The following STAB2 variants were observed in gnomAD, a reference collection of about 807,000 sequenced individuals.
STAB2 encodes stabilin 2.
STAB2 carries 288 observed loss-of-function variants against 338.1 expected under a neutral mutation model. The ratio of observed to expected loss-of-function variants is 0.85; its 90% CI spans 0.77 to 0.94. The LOEUF is 0.94. Ranked by LOEUF, STAB2 falls within the 40% of genes least tolerant of loss-of-function variation. The pLI is 0.00. For missense variants in STAB2, 3,141 were observed against 3,210.1 expected, an observed-to-expected ratio of 0.98 and a Z score of 0.52; for synonymous variants, 1,202 against 1,193.3, an observed-to-expected ratio of 1.01 and a Z score of -0.15.
chr12:103,679,323 G>A (rs970353087), intron 25 of STAB2, among the ~76,000 whole-genome samples: 21 of 152,048 alleles, frequency 1.4e-4, no homozygotes, highest in African/African-American at 4.1e-4. Context: ...AACTGAGATC[G>A]TGCCATTGCA....
intron 58 of STAB2, among the ~76,000 whole-genome samples, chr12:103,748,020 G>C (rs973144921): frequency 2.6e-4 from 38 of 147,638 alleles, no homozygotes; most frequent in African/African-American, 9.0e-4. Context: ...AAAAAGGGAA[G>C]AAGAAGAAGA....
intron 9 of STAB2, among the ~76,000 whole-genome samples, chr12:103,643,518 T>C (rs542447010): frequency 3.9e-5 from 6 of 152,064 alleles, no homozygotes. Context: ...TGCTCTCTGA[T>C]GCCCCTCCCT....
At chr12:103,689,683 G>A (rs1378696941) in intron 28 of STAB2, among the ~76,000 whole-genome samples, 163 bp from the exon 29 acceptor site, 2 of 152,172 alleles carry the variant, frequency 1.3e-5, no homozygotes, top group African/African-American at 4.8e-5. Context: ...AGTCTCACAA[G>A]GGAAAATGAG....
intron 3 of STAB2, among the ~76,000 whole-genome samples, chr12:103,603,424 T>C (rs1199951489): frequency 6.6e-6 from 1 of 152,228 alleles, no homozygotes; most frequent in African/African-American, 2.4e-5. Flanking sequence ...TTCATTTCTT[T>C]GCATATAGAT....
chr12:103,613,488 C>T (rs969999730), intron 3 of STAB2, among the ~76,000 whole-genome samples: 5 of 152,192 alleles, frequency 3.3e-5, no homozygotes, highest in South Asian at 2.1e-4. Context: ...CTCCAAGCCA[C>T]GTGCGGGATA....
At chr12:103,593,455 C>T (rs917559347) in intron 2 of STAB2, among the ~76,000 whole-genome samples, 9 of 152,166 alleles carry the variant, frequency 5.9e-5, no homozygotes, top group African/African-American at 2.2e-4. Context: ...CACCTATTGG[C>T]CACTTGTATT....
rs571283730 is a variant in STAB2 at position 103,594,295 on chromosome 12, A to G, written c.216-100A>G. ...TCCATCTAGATATTTTTAACTGTAG[A>G]TAAATATTAAGACCTAAATTGAAAG... On this transcript the variant is annotated intron_variant, in intron 2 of 68. Transcript: ENST00000388887. 4.2e-5 allele frequency: 35 copies of G among 835,330 alleles called. No individual in the cohort carries two copies. The East Asian group carries it at 8.1e-4, about 19-fold the overall frequency. The allele number at this position is 835,330 out of a possible 1,614,324, so 51.7% of individuals were successfully genotyped here. A position where few individuals can be genotyped will look rare whatever the true frequency, so the allele number is the denominator to read the frequency against.
chr12:103,592,623 C>A (rs755891090), intron 2 of STAB2, among the ~76,000 whole-genome samples: 44 of 152,142 alleles, frequency 2.9e-4, no homozygotes, highest in Non-Finnish European at 5.4e-4. Flanking sequence ...AAGATAAGTA[C>A]AATCCATGAA....
chr12:103,637,310 C>T, intron 7 of STAB2, 74 bp downstream of exon 7: 1 of 1,547,528 alleles, frequency 6.5e-7, no homozygotes, highest in Non-Finnish European at 8.7e-7. Context: ...AAAAATCTCA[C>T]AACCTCCTTA....
At chr12:103,712,256 G>C in intron 40 of STAB2, 111 bp from the exon 41 acceptor site, 1 of 830,044 alleles carries the variant, frequency 1.2e-6, no homozygotes, top group Non-Finnish European at 2.1e-6. Flanking sequence ...GGACTTATGA[G>C]TGTCTCATGG....
At chr12:103,735,724 G>C in intron 52 of STAB2, 144 bp downstream of exon 52, 2 of 680,708 alleles carry the variant, frequency 2.9e-6, no homozygotes, top group South Asian at 4.5e-5. Context: ...ACCTTCAGAG[G>C]TATTTTTCCT....
chr12:103,632,580 C>T (rs1313273653), intron 6 of STAB2, among the ~76,000 whole-genome samples: 2 of 152,048 alleles, frequency 1.3e-5, no homozygotes, highest in Admixed American at 6.5e-5. Flanking sequence ...ATGTCTATGT[C>T]GAGAGGGCTG....
chr12:103,612,340 G>C (rs1416861176), intron 3 of STAB2, among the ~76,000 whole-genome samples: 2 of 152,110 alleles, frequency 1.3e-5, no homozygotes, highest in Non-Finnish European at 2.9e-5. Flanking sequence ...CGTAGATTTG[G>C]TCTTTTCACA....
intron 3 of STAB2, among the ~76,000 whole-genome samples, chr12:103,617,160 T>C (rs1380022966): frequency 1.3e-5 from 2 of 152,208 alleles, no homozygotes; most frequent in Non-Finnish European, 2.9e-5. Flanking sequence ...GCTCTAGATC[T>C]CTTCCCCTGA....
Position 103,733,182 on chromosome 12 carries a change from G to A in STAB2, c.5460G>A (p.Lys1820=). Residue 1820 remains lysine (K), a splice_region_variant and synonymous_variant, in exon 51 of 69, where the codon AAG becomes AAA. Coordinates refer to ENST00000388887, the MANE Select transcript of STAB2 (RefSeq NM_017564.10). ...YLKFHVIRDA[K]VLAVDLPTST... ...AGTTTCATGTGATACGAGATGCCAA[G>A]GTATTTAGTTTACATGCAGACATAA... The A allele has an allele frequency of 5.0e-6, 8 of 1,613,866 alleles. No homozygotes were observed. The highest frequency in any genetic ancestry group is 6.8e-6 in the Non-Finnish European group (8 of 1,179,858).
chr12:103,715,615 C>G (rs1334891963), intron 42 of STAB2, among the ~76,000 whole-genome samples, 200 bp from the exon 43 acceptor site: 1 of 152,136 alleles, frequency 6.6e-6, no homozygotes, highest in Non-Finnish European at 1.5e-5. Context: ...CTGGCCTATC[C>G]CAGAATAGTC....
chr12:103,608,813 G>A (rs1451215135), intron 3 of STAB2, among the ~76,000 whole-genome samples: 1 of 152,120 alleles, frequency 6.6e-6, no homozygotes, highest in Non-Finnish European at 1.5e-5. Context: ...GGTTTTTATG[G>A]TTTTAGGTCT....
rs1243772344 is a variant in STAB2 at position 103,708,420 on chromosome 12, G to T, written c.4193-21G>T. 1.1e-5 allele frequency: 17 copies of T among 1,611,380 alleles called. No individual in the cohort carries two copies. The Admixed American group carries it at 2.8e-4, about 27-fold the overall frequency. On this transcript the variant is annotated intron_variant, in intron 38 of 68. Coordinates refer to ENST00000388887, the MANE Select transcript of STAB2 (RefSeq NM_017564.10). Reference sequence around the variant, plus strand: ...AACATGGGTTAGAATCTGACGATTTGCAGGTGATTTTCCCACTTAGCATGT... The same window carrying T: ...AACATGGGTTAGAATCTGACGATTTTCAGGTGATTTTCCCACTTAGCATGT...
At position 103,762,405 on chromosome 12, in the gene STAB2, A is replaced by T; in HGVS notation, c.7488+3A>T. 6.2e-7 allele frequency: 1 copy of T among 1,614,206 alleles called. No individual in the cohort carries two copies. The highest frequency in any genetic ancestry group is 1.1e-5 in the South Asian group (1 of 91,082). ...CAATCGGCTTCCAGCATTTTGAGGT[A>T]AGAGAGAAAAATGGGAACATGATGA... is the stretch of plus-strand genomic sequence containing the variant. On this transcript the variant is annotated splice_donor_region_variant and intron_variant, in intron 67 of 68. Coordinates refer to ENST00000388887, the MANE Select transcript of STAB2 (RefSeq NM_017564.10).
Sources: gnomAD v4.1 joint callset for allele counts (sites outside exome capture counted in the v4.1 genomes callset) on GRCh38, gnomAD v4.1.1 for gene constraint, MANE v1.5 for transcripts, NCBI Gene and HGNC (gene_info 2026-07-23, HGNC 2026-07-21) for gene names.